NIN: variants seen among roughly 807,000 people sequenced by gnomAD.
NIN encodes the protein ninein, also known as glycogen synthase kinase 3 beta-interacting protein.
In NIN, 137 loss-of-function variants were observed where a neutral mutation model predicts 257.6. That is an observed-to-expected ratio of 0.53 (90% CI 0.46 to 0.61). The LOEUF (loss-of-function observed/expected upper bound fraction) is 0.61. Among genes scored for constraint, NIN ranks in the 20% least tolerant of loss-of-function variants. NIN has a pLI of 0.00. For synonymous variants in NIN, 918 were observed against 919.8 expected (o/e 1.00, Z 0.04); for missense variants, 2,439 against 2,501.2 (o/e 0.98, Z 0.53).
intron 2 of NIN, among the ~76,000 whole-genome samples, chr14:50,828,124 A>G (rs1160725093): frequency 6.6e-6 from 1 of 151,776 alleles, no homozygotes; most frequent in Non-Finnish European, 1.5e-5. Flanking sequence ...AAAAGGAGAA[A>G]GCTTATAACA....
chr14:50,829,152 G>A (rs529500334), intron 2 of NIN, among the ~76,000 whole-genome samples: 1 of 152,226 alleles, frequency 6.6e-6, no homozygotes, highest in African/African-American at 2.4e-5. Context: ...AAATTCCCGG[G>A]CAGTTCACAT....
intron 12 of NIN, among the ~76,000 whole-genome samples, chr14:50,767,780 G>T (rs993789876): frequency 6.8e-6 from 1 of 147,766 alleles, no homozygotes; most frequent in African/African-American, 2.5e-5. Flanking sequence ...TGGCGCCACT[G>T]CACTCCAGCC....
intron 9 of NIN, 60 bp downstream of exon 9, chr14:50,772,241 A>G: frequency 6.9e-7 from 1 of 1,445,512 alleles, no homozygotes; most frequent in Admixed American, 2.0e-5. Flanking sequence ...CCAAAAAATA[A>G]AATTGAAAAT....
rs768962576 is a variant in NIN, at chr14:50,766,317, C to T, written c.1625G>A (p.Arg542Gln). 2.4e-5 allele frequency: 38 copies of T among 1,613,600 alleles called. No homozygotes were observed. Among genetic ancestry groups the T allele is most frequent in the Admixed American group, 5.0e-5 (3 of 59,992 alleles). Residue 542 changes from arginine (R) to glutamine (Q), a missense_variant, in exon 14 of 31, where the codon CGG becomes CAG. Physicochemically the swap from Arg to Gln is conservative, Grantham distance 43. This residue lies in a region of NIN where 2,043 missense variants were observed against 2,050.2 expected (regional missense o/e 1.00). Transcript: ENST00000530997. Reference sequence around the variant, plus strand: ...TCTTTGTCTACCTACCCTGCACTGCCGCTCATATTCATTTCTCATCTGTGT... The same window carrying T: ...TCTTTGTCTACCTACCCTGCACTGCTGCTCATATTCATTTCTCATCTGTGT... Reference protein sequence around the residue: ...RLTQMRNEYERQCRVLQDQVD... With the variant: ...RLTQMRNEYEQQCRVLQDQVD...
chr14:50,822,479 C>A (rs2045270852), intron 2 of NIN, among the ~76,000 whole-genome samples: 3 of 152,178 alleles, frequency 2.0e-5, no homozygotes, highest in Admixed American at 2.0e-4. Flanking sequence ...ACTTTGACAG[C>A]AAGACTATTC....
At chr14:50,739,226 T>C (rs2041151909) in intron 26 of NIN, 82 bp downstream of exon 26, 3 of 1,367,346 alleles carry the variant, frequency 2.2e-6, no homozygotes, top group Non-Finnish European at 1.0e-6. Flanking sequence ...CTTAGAACCA[T>C]TCCAATCATA....
At chr14:50,743,592 A>G (rs2041394719) in intron 23 of NIN, 63 bp from the exon 24 acceptor site, 3 of 904,076 alleles carry the variant, frequency 3.3e-6, no homozygotes, top group African/African-American at 3.3e-5. Context: ...GCCTTAATTT[A>G]TATGCCTGCA....
intron 28 of NIN, among the ~76,000 whole-genome samples, chr14:50,733,327 G>C (rs2040814035): frequency 6.6e-6 from 1 of 152,120 alleles, no homozygotes. Flanking sequence ...TCCTGACCTT[G>C]TGAACCACCT....
At chr14:50,799,636 G>T (rs547118799) in intron 4 of NIN, among the ~76,000 whole-genome samples, 1 of 152,278 alleles carries the variant, frequency 6.6e-6, no homozygotes, top group South Asian at 2.1e-4. Context: ...AGGATTCCCT[G>T]TAGAAAACCG....
At position 50,736,358 on chromosome 14, in the gene NIN, C is replaced by G. The variant is rs578118208; in HGVS notation, c.5776-741G>C. 6.6e-5 allele frequency among the ~76,000 whole-genome samples: 10 copies of G among 151,914 alleles called. No homozygotes were observed. In the East Asian group the frequency reaches 1.2e-3, roughly 18 times the overall value. ...TTCACCATGTTGATGAGACTGGTCT[C>G]GAACTCCTGACCTCGTGATCTGCCC... On this transcript the variant is annotated intron_variant, in intron 27 of 30. Coordinates refer to ENST00000530997, the MANE Select transcript of NIN (RefSeq NM_020921.4).
At chr14:50,725,470 T>C (rs2040372593) in intron 30 of NIN, among the ~76,000 whole-genome samples, 1 of 152,144 alleles carries the variant, frequency 6.6e-6, no homozygotes, top group Non-Finnish European at 1.5e-5. Flanking sequence ...AATAAGATAC[T>C]TGTTGAGGTT....
chr14:50,822,872 A>G (rs1207188614), intron 2 of NIN, among the ~76,000 whole-genome samples: 1 of 152,234 alleles, frequency 6.6e-6, no homozygotes, highest in East Asian at 1.9e-4. Flanking sequence ...AAAGGGGAAG[A>G]CACTATTTCA....
intron 12 of NIN, among the ~76,000 whole-genome samples, chr14:50,767,550 G>T (rs867030885): frequency 1.5e-4 from 23 of 152,188 alleles, no homozygotes; most frequent in Admixed American, 3.9e-4. Flanking sequence ...AGGCATAGTG[G>T]CTCACGCCTG....
intron 3 of NIN, among the ~76,000 whole-genome samples, chr14:50,809,379 G>T (rs1002597099): frequency 6.6e-6 from 1 of 152,202 alleles, no homozygotes; most frequent in Non-Finnish European, 1.5e-5. Context: ...CAGCATCAAA[G>T]AAACTGATCC....
chr14:50,737,648 T>TG (rs1491022854), intron 27 of NIN, among the ~76,000 whole-genome samples: 6 of 30,926 alleles, frequency 1.9e-4, no homozygotes, highest in Admixed American at 1.0e-3. Flanking sequence ...TTGTTGTTGT[T>TG]TTTTTTTTTT....
At chr14:50,765,343 A>T (rs529086077) in intron 14 of NIN, among the ~76,000 whole-genome samples, 1 of 152,292 alleles carries the variant, frequency 6.6e-6, no homozygotes, top group African/African-American at 2.4e-5. Context: ...TTTAGAAAAT[A>T]CCTCTATTTA....
intron 25 of NIN, 90 bp from the exon 26 acceptor site, chr14:50,739,577 G>T (rs914757006): frequency 3.4e-6 from 4 of 1,185,826 alleles, no homozygotes; most frequent in African/African-American, 1.5e-5. Flanking sequence ...CAATGACAAC[G>T]ACTCCTAATA....
At chr14:50,814,483 G>A (rs2044787223) in intron 3 of NIN, among the ~76,000 whole-genome samples, 1 of 152,158 alleles carries the variant, frequency 6.6e-6, no homozygotes, top group Non-Finnish European at 1.5e-5. Flanking sequence ...AGTCTTGTAA[G>A]GGAAATAGTC....
At chr14:50,808,600 A>G (rs2142228507) in intron 3 of NIN, among the ~76,000 whole-genome samples, 1 of 152,318 alleles carries the variant, frequency 6.6e-6, no homozygotes, top group East Asian at 1.9e-4. Context: ...TTTATTATTC[A>G]TTCAATAAAT....
Sources: gnomAD v4.1 joint callset for allele counts (sites outside exome capture counted in the v4.1 genomes callset) on GRCh38, gnomAD v4.1.1 for gene constraint, gnomAD v4.1.1 regional missense constraint, MANE v1.5 for transcripts, NCBI Gene and HGNC (gene_info 2026-07-23, HGNC 2026-07-21) for gene names.